The following RIMS2 variants were observed in gnomAD, a reference collection of about 807,000 sequenced individuals.
RIMS2 encodes the protein regulating synaptic membrane exocytosis 2.
A neutral mutation model predicts 174.4 loss-of-function variants in RIMS2; 59 were observed. That is an observed-to-expected ratio of 0.34 (90% confidence interval 0.27 to 0.42). RIMS2 has a LOEUF of 0.42. Ranked by LOEUF, RIMS2 falls within the 10% of genes least tolerant of loss-of-function variation. The pLI is 1.00. For missense variants in RIMS2, 1,620 were observed against 1,666.3 expected (o/e 0.97, Z 0.48); for synonymous variants, 606 against 572.5 (o/e 1.06, Z -0.84).
chr8:103,973,385 G>A (rs759556599), intron 15 of RIMS2, among the ~76,000 whole-genome samples: 12 of 152,080 alleles, frequency 7.9e-5, no homozygotes, highest in Non-Finnish European at 1.8e-4. Flanking sequence ...AAACAGCAGG[G>A]CTTCTGGGAA....
chr8:103,842,234 C>A (rs1190689581), intron 3 of RIMS2, among the ~76,000 whole-genome samples: 1 of 151,978 alleles, frequency 6.6e-6, no homozygotes, highest in Non-Finnish European at 1.5e-5. Flanking sequence ...TTTTGACTAT[C>A]TTCATCCATG....
chr8:103,882,358 T>C (rs2099171302), intron 3 of RIMS2, among the ~76,000 whole-genome samples: 1 of 151,596 alleles, frequency 6.6e-6, no homozygotes, highest in Non-Finnish European at 1.5e-5. Flanking sequence ...ATTCATAATA[T>C]AGTTGGTAAA....
intron 3 of RIMS2, among the ~76,000 whole-genome samples, chr8:103,801,876 C>A (rs1349858829): frequency 2.0e-5 from 3 of 152,136 alleles, no homozygotes; most frequent in Non-Finnish European, 4.4e-5. Context: ...ATGTCATAAT[C>A]GGTGACATTT....
chr8:103,500,861 C>A lies in RIMS2; in HGVS notation c.-26C>A, dbSNP rs749650859. 4 of 1,551,350 alleles carry A rather than the reference C, an allele frequency of 2.6e-6. No homozygotes were observed. In the South Asian group the frequency reaches 4.7e-5, roughly 18 times the overall value. ...GCCAGTGGAGTTGCCTCCCCGCTTCCCTAGGGTGGTTCGGCTCCACCAAAC... is the reference window on the plus strand; with the variant it reads ...GCCAGTGGAGTTGCCTCCCCGCTTCACTAGGGTGGTTCGGCTCCACCAAAC... On this transcript the variant is annotated 5_prime_UTR_variant, in exon 1 of 24. Coordinates refer to ENST00000504942, the Ensembl canonical transcript of RIMS2.
intron 15 of RIMS2, among the ~76,000 whole-genome samples, chr8:103,964,417 G>A (rs2091196389): frequency 6.6e-6 from 1 of 152,066 alleles, no homozygotes; most frequent in South Asian, 2.1e-4. Context: ...TGACATATGA[G>A]GTTGAACATC....
intron 3 of RIMS2, among the ~76,000 whole-genome samples, chr8:103,781,572 A>G (rs1444018855): frequency 1.3e-5 from 2 of 152,036 alleles, no homozygotes; most frequent in Admixed American, 6.6e-5. Flanking sequence ...TACTACGCTT[A>G]TTTTAAAAAA....
At chr8:103,910,381 C>A in intron 5 of RIMS2, 1 of 1,597,320 alleles carries the variant, frequency 6.3e-7, no homozygotes, top group Non-Finnish European at 8.5e-7. Flanking sequence ...GACTCTAACA[C>A]CAGGTCTGAG....
intron 8 of RIMS2, 92 bp from the exon 12 acceptor site, chr8:103,918,349 C>G (rs1460906874): frequency 1.4e-6 from 1 of 696,418 alleles, no homozygotes; most frequent in Non-Finnish European, 2.4e-6. Context: ...ATTTTACACT[C>G]TCCTATTAAT....
intron 1 of RIMS2, among the ~76,000 whole-genome samples, chr8:103,613,474 C>T (rs2095434520): frequency 6.6e-6 from 1 of 152,192 alleles, no homozygotes; most frequent in African/African-American, 2.4e-5. Context: ...TGGCCTAGGG[C>T]AGGTCCAGAA....
At chr8:103,749,804 T>A (rs2097863324) in intron 2 of RIMS2, among the ~76,000 whole-genome samples, 1 of 152,160 alleles carries the variant, frequency 6.6e-6, no homozygotes, top group Non-Finnish European at 1.5e-5. Context: ...GTTAACCAAT[T>A]CATTTTATAA....
At chr8:103,697,956 A>G (rs554826842) in intron 2 of RIMS2, among the ~76,000 whole-genome samples, 2 of 150,218 alleles carry the variant, frequency 1.3e-5, no homozygotes, top group African/African-American at 2.5e-5. Context: ...CAGCCTGGGC[A>G]ACAGAGACTC....
chr8:103,881,033 A>G (rs2099164935), intron 3 of RIMS2, among the ~76,000 whole-genome samples: 1 of 151,442 alleles, frequency 6.6e-6, no homozygotes, highest in Non-Finnish European at 1.5e-5. Context: ...CAGGTTATTG[A>G]TTTTTAAAGA....
At chr8:103,509,027 T>C (rs1825165379) in intron 1 of RIMS2, among the ~76,000 whole-genome samples, 1 of 152,106 alleles carries the variant, frequency 6.6e-6, no homozygotes, top group African/African-American at 2.4e-5. Context: ...GAGGGAGCAG[T>C]TGTGAAGTGG....
At chr8:103,503,691 T>TG (rs1821785728) in intron 1 of RIMS2, among the ~76,000 whole-genome samples, 2 of 152,014 alleles carry the variant, frequency 1.3e-5, no homozygotes, top group Non-Finnish European at 2.9e-5. Flanking sequence ...AAAATATTTT[T>TG]GCATGATCTG....
At chr8:103,926,274 A>G (rs1234177573) in intron 10 of RIMS2, among the ~76,000 whole-genome samples, 2 of 151,598 alleles carry the variant, frequency 1.3e-5, no homozygotes, top group Non-Finnish European at 3.0e-5. Context: ...CAACATGCCA[A>G]ATTTCTCTAT....
intron 3 of RIMS2, among the ~76,000 whole-genome samples, chr8:103,783,526 T>G (rs1235831726): frequency 6.6e-6 from 1 of 151,536 alleles, no homozygotes; most frequent in Admixed American, 6.6e-5. Context: ...TGGTGTTTGG[T>G]TTTTTGTTCT....
At chr8:104,116,877 TTTC>T (rs1431310682) in intron 19 of RIMS2, among the ~76,000 whole-genome samples, 3 of 152,160 alleles carry the variant, frequency 2.0e-5, no homozygotes, top group Non-Finnish European at 2.9e-5. Flanking sequence ...ATAAAGAGCT[TTTC>T]TTATCACTCT....
intron 2 of RIMS2, among the ~76,000 whole-genome samples, chr8:103,728,515 G>C (rs974103851): frequency 1.3e-5 from 2 of 152,024 alleles, no homozygotes; most frequent in Non-Finnish European, 2.9e-5. Flanking sequence ...CCAGATCTAA[G>C]GGGAAATGCT....
At chr8:103,769,944 A>C (rs1011322139) in intron 3 of RIMS2, among the ~76,000 whole-genome samples, 16 of 152,236 alleles carry the variant, frequency 1.1e-4, no homozygotes, top group African/African-American at 3.9e-4. Context: ...TTAATATCAG[A>C]TTTGGTAGTT....
Sources: allele counts gnomAD v4.1 joint callset (sites outside exome capture counted in the v4.1 genomes callset), GRCh38; gene constraint gnomAD v4.1.1; transcripts MANE v1.5; gene names NCBI Gene and HGNC (gene_info 2026-07-23, HGNC 2026-07-21).